HSF2BP: variants seen among roughly 807,000 people sequenced by gnomAD.
The protein encoded by HSF2BP is heat shock transcription factor 2 binding protein, also known as heat shock factor 2-binding protein.
HSF2BP carries 35 observed loss-of-function variants against 35.0 expected under a neutral mutation model. The ratio of observed to expected loss-of-function variants is 1.00; its 90% CI spans 0.76 to 1.32. HSF2BP has a LOEUF of 1.32. HSF2BP is among the 40% of genes most tolerant of loss of function. HSF2BP has a pLI of 0.00. For synonymous variants in HSF2BP, 114 were observed against 117.4 expected (o/e 0.97, Z 0.18); for missense variants, 326 against 321.7 (o/e 1.01, Z -0.10).
At chr21:43,594,696 G>A (rs2081964346) in intron 7 of HSF2BP, among the ~76,000 whole-genome samples, 1 of 151,976 alleles carries the variant, frequency 6.6e-6, no homozygotes, top group Non-Finnish European at 1.5e-5. Context: ...GAGAGAGAAG[G>A]AAGAAAGACG....
chr21:43,621,574 T>A (rs1601682545), intron 6 of HSF2BP, among the ~76,000 whole-genome samples: 2 of 144,602 alleles, frequency 1.4e-5, no homozygotes, highest in South Asian at 4.4e-4. Context: ...CAGGAAGGAG[T>A]GGGATGATAT....
chr21:43,608,104 TTAAAA>T (rs2082157023), intron 7 of HSF2BP, among the ~76,000 whole-genome samples: 1 of 142,898 alleles, frequency 7.0e-6, no homozygotes, highest in Admixed American at 7.5e-5. Flanking sequence ...TGGGACATAA[TTAAAA>T]TAAAGAGCTT....
At chr21:43,636,369 C>T (rs2082559227) in intron 4 of HSF2BP, among the ~76,000 whole-genome samples, 1 of 151,914 alleles carries the variant, frequency 6.6e-6, no homozygotes, top group South Asian at 2.1e-4. Context: ...TTAGATATCA[C>T]AAAATCATGA....
At chr21:43,600,414 C>T (rs1285713356) in intron 7 of HSF2BP, among the ~76,000 whole-genome samples, 2 of 152,136 alleles carry the variant, frequency 1.3e-5, no homozygotes, top group Non-Finnish European at 2.9e-5. Context: ...GTCAAATTAG[C>T]ACCATAAAGT....
chr21:43,639,226 G>A (rs757436538), intron 4 of HSF2BP, among the ~76,000 whole-genome samples: 57 of 152,278 alleles, frequency 3.7e-4, no homozygotes, highest in South Asian at 6.2e-4. Context: ...AGAAAATTGT[G>A]GTGACCTAGA....
intron 6 of HSF2BP, among the ~76,000 whole-genome samples, chr21:43,619,456 AT>A (rs1390958852): frequency 6.6e-6 from 1 of 152,228 alleles, no homozygotes; most frequent in East Asian, 1.9e-4. Context: ...CAGCTCCAAG[AT>A]TATCAGCAGC....
chr21:43,645,797 G>A (rs143521602), intron 3 of HSF2BP, among the ~76,000 whole-genome samples: 69 of 152,250 alleles, frequency 4.5e-4, no homozygotes, highest in Non-Finnish European at 8.7e-4. Context: ...GAATCTAGGG[G>A]TCTGAGAGGA....
intron 4 of HSF2BP, among the ~76,000 whole-genome samples, chr21:43,635,184 G>A (rs1388264375): frequency 6.6e-6 from 1 of 151,828 alleles, no homozygotes; most frequent in Non-Finnish European, 1.5e-5. Flanking sequence ...AAACTACAAA[G>A]CATTACTGAG....
At chr21:43,592,400 T>C in intron 7 of HSF2BP, 72 bp from the exon 8 acceptor site, 2 of 959,286 alleles carry the variant, frequency 2.1e-6, no homozygotes, top group Non-Finnish European at 1.7e-6. Context: ...TACCTACTAG[T>C]TAAGAGGAAC....
At chr21:43,630,139 T>C (rs1212396146) in intron 6 of HSF2BP, among the ~76,000 whole-genome samples, 183 bp downstream of exon 6, 7 of 152,260 alleles carry the variant, frequency 4.6e-5, no homozygotes, top group Non-Finnish European at 1.0e-4. Flanking sequence ...AATTAAAGTT[T>C]GTACATTTTT....
At chr21:43,642,323 C>T (rs918039642) in intron 4 of HSF2BP, among the ~76,000 whole-genome samples, 15 of 152,084 alleles carry the variant, frequency 9.9e-5, no homozygotes, top group African/African-American at 3.6e-4. Flanking sequence ...TATTGCACCA[C>T]TGCACTCCAG....
Position 43,658,240 on chromosome 21 carries a change from C to T in HSF2BP, c.-144G>A. ...AACCTCCCAGAATTTGCGCAGTATT[C>T]TCGGCCTAGAGAGCGAGGAGTGGCC... On this transcript the variant is annotated 5_prime_UTR_variant, in exon 2 of 9. Transcript: ENST00000291560. 1.0e-6 allele frequency: 1 copy of T among 989,252 alleles called. No individual in the cohort carries two copies. The highest frequency in any genetic ancestry group is 1.4e-6 in the Non-Finnish European group (1 of 700,502). 61.3% of individuals were successfully genotyped at this position (989,252 alleles called of 1,614,324 possible).
chr21:43,606,890 C>G (rs976112219), intron 7 of HSF2BP, among the ~76,000 whole-genome samples: 1 of 152,086 alleles, frequency 6.6e-6, no homozygotes, highest in Non-Finnish European at 1.5e-5. Context: ...AATGAGCATT[C>G]TGGGACATTT....
chr21:43,649,841 C>T (rs1601727491), intron 3 of HSF2BP, among the ~76,000 whole-genome samples: 3 of 152,278 alleles, frequency 2.0e-5, no homozygotes, highest in Middle Eastern at 3.4e-3. Flanking sequence ...AAGAATTGCT[C>T]GATCTTAGCG....
chr21:43,588,716 C>A (rs1269592641), intron 8 of HSF2BP, among the ~76,000 whole-genome samples: 1 of 152,204 alleles, frequency 6.6e-6, no homozygotes, highest in Non-Finnish European at 1.5e-5. Flanking sequence ...CTGGCACCAC[C>A]AGCATCCTCT....
At chr21:43,604,073 T>C (rs190601566) in intron 7 of HSF2BP, among the ~76,000 whole-genome samples, 1 of 152,114 alleles carries the variant, frequency 6.6e-6, no homozygotes, top group East Asian at 1.9e-4. Context: ...AGGGCAGCCG[T>C]GGCCTGGGAA....
intron 7 of HSF2BP, among the ~76,000 whole-genome samples, chr21:43,604,071 C>T (rs1160381877): frequency 6.6e-6 from 1 of 151,994 alleles, no homozygotes; most frequent in Non-Finnish European, 1.5e-5. Context: ...AAAGGGCAGC[C>T]GTGGCCTGGG....
chr21:43,610,016 A>C (rs948526548), intron 7 of HSF2BP: 1 of 152,482 alleles, frequency 6.6e-6, no homozygotes, highest in Non-Finnish European at 1.5e-5. Flanking sequence ...TTTGCCTTGG[A>C]AGTTGAAGGG....
At chr21:43,467,551 G>T in the HSF2BP span, among the ~76,000 whole-genome samples, 1 of 145,936 alleles carries the variant, frequency 6.9e-6, no homozygotes, top group South Asian at 2.2e-4. Context: ...TTATTTCAGG[G>T]CTGAAGCCCA....
Sources: gnomAD v4.1 joint callset for allele counts (sites outside exome capture counted in the v4.1 genomes callset) on GRCh38, gnomAD v4.1.1 for gene constraint, MANE v1.5 for transcripts, NCBI Gene and HGNC (gene_info 2026-07-23, HGNC 2026-07-21) for gene names.